Variants in MAGI2 observed in about 807,000 individuals in gnomAD.
MAGI2 encodes the protein membrane-associated guanylate kinase, WW and PDZ domain-containing protein 2.
In MAGI2, 35 loss-of-function variants were observed where a neutral mutation model predicts 133.3. The observed-to-expected ratio is 0.26, with a 90% CI of 0.20 to 0.35. MAGI2 has a LOEUF of 0.35. MAGI2 is among the 10% of genes least tolerant of loss of function. The pLI, the probability that MAGI2 is intolerant of heterozygous loss-of-function variation, is 1.00. For missense variants in MAGI2, 1,636 were observed against 1,863.4 expected (o/e 0.88, Z 2.25); for synonymous variants, 729 against 710.6 (o/e 1.03, Z -0.41).
intron 6 of MAGI2, among the ~76,000 whole-genome samples, chr7:78,382,192 G>A (rs1562920174): frequency 6.6e-6 from 1 of 151,666 alleles, no homozygotes; most frequent in East Asian, 1.9e-4. Flanking sequence ...TCAAATGTTC[G>A]TTTTTTTTAA....
intron 1 of MAGI2, among the ~76,000 whole-genome samples, chr7:79,420,539 CAAAT>C (rs761254621): frequency 4.6e-5 from 7 of 151,960 alleles, no homozygotes; most frequent in South Asian, 2.1e-4. Flanking sequence ...GTTAAAAAAA[CAAAT>C]AAAGCACTGA....
chr7:78,149,598 C>G (rs1823664098), intron 16 of MAGI2, among the ~76,000 whole-genome samples: 2 of 152,186 alleles, frequency 1.3e-5, no homozygotes, highest in African/African-American at 4.8e-5. Flanking sequence ...TAATAAACAT[C>G]TGAATGAAGA....
chr7:78,429,208 C>T (rs903469688), intron 6 of MAGI2, among the ~76,000 whole-genome samples: 6 of 152,088 alleles, frequency 3.9e-5, no homozygotes, highest in African/African-American at 7.2e-5. Flanking sequence ...ATTAATAAAT[C>T]GCCACATTGG....
At chr7:78,595,863 G>C (rs779569680) in intron 3 of MAGI2, among the ~76,000 whole-genome samples, 67 of 152,034 alleles carry the variant, frequency 4.4e-4, no homozygotes, top group Non-Finnish European at 7.4e-5. Context: ...TAGAGGGAGA[G>C]GTCAGAGAAT....
intron 1 of MAGI2, among the ~76,000 whole-genome samples, chr7:79,076,883 G>A (rs1454785382): frequency 6.6e-6 from 1 of 152,100 alleles, no homozygotes; most frequent in African/African-American, 2.4e-5. Context: ...ATTTCTCTGG[G>A]GAAATTAATT....
chr7:79,184,283 AAAAT>A (rs1408045373), intron 1 of MAGI2, among the ~76,000 whole-genome samples: 2 of 151,550 alleles, frequency 1.3e-5, no homozygotes, highest in Non-Finnish European at 1.5e-5. Flanking sequence ...TGGTCAATTA[AAAAT>A]AAACATTATA....
intron 10 of MAGI2, chr7:78,255,275 C>G (rs564266068): frequency 1.3e-5 from 2 of 153,946 alleles, no homozygotes; most frequent in East Asian, 1.9e-4. Context: ...ATACTTTGCC[C>G]GGGACACTCA....
At chr7:78,600,135 T>A (rs892646162) in intron 3 of MAGI2, among the ~76,000 whole-genome samples, 2 of 152,232 alleles carry the variant, frequency 1.3e-5, no homozygotes, top group Non-Finnish European at 2.9e-5. Flanking sequence ...AAAATGTGAT[T>A]ATCTTAATAA....
chr7:78,264,837 T>G (rs1181658311), intron 9 of MAGI2, among the ~76,000 whole-genome samples: 3 of 151,770 alleles, frequency 2.0e-5, no homozygotes. Context: ...ACTGAATTCA[T>G]ATAAGGCACT....
intron 1 of MAGI2, among the ~76,000 whole-genome samples, chr7:79,062,159 T>A (rs1813814326): frequency 6.6e-6 from 1 of 152,094 alleles, no homozygotes. Flanking sequence ...ACTGTACCAC[T>A]CCATACTACT....
At chr7:79,162,316 GT>G (rs1824449020) in intron 1 of MAGI2, among the ~76,000 whole-genome samples, 1 of 152,050 alleles carries the variant, frequency 6.6e-6, no homozygotes, top group South Asian at 2.1e-4. Context: ...AAATCATGGT[GT>G]TCTGAAGACC....
chr7:79,221,594 C>T (rs1830449674), intron 1 of MAGI2, among the ~76,000 whole-genome samples: 1 of 151,926 alleles, frequency 6.6e-6, no homozygotes, highest in South Asian at 2.1e-4. Context: ...TACCAAAAGT[C>T]AATTATTAGG....
chr7:78,255,705 A>G (rs1792894940), intron 10 of MAGI2: 4 of 593,964 alleles, frequency 6.7e-6, no homozygotes, highest in Middle Eastern at 8.8e-4. Flanking sequence ...TTCTATCAAT[A>G]TGTCTGTAAG....
chr7:78,741,006 G>C (rs1159970240), intron 2 of MAGI2, among the ~76,000 whole-genome samples: 4 of 152,276 alleles, frequency 2.6e-5, no homozygotes, highest in Admixed American at 6.5e-5. Flanking sequence ...AAAAAGTGTA[G>C]ATTTGTGGCA....
At chr7:78,571,698 G>A (rs1441401062) in intron 3 of MAGI2, among the ~76,000 whole-genome samples, 1 of 151,896 alleles carries the variant, frequency 6.6e-6, no homozygotes, top group African/African-American at 2.4e-5. Flanking sequence ...CAATAATAAA[G>A]AGAAAGAAAA....
At chr7:79,057,498 A>T (rs1398983547) in intron 1 of MAGI2, among the ~76,000 whole-genome samples, 3 of 152,194 alleles carry the variant, frequency 2.0e-5, no homozygotes, top group African/African-American at 7.2e-5. Flanking sequence ...TAAGCTTATA[A>T]TATTCTTACA....
chr7:79,039,526 A>G (rs1189982683), intron 1 of MAGI2, among the ~76,000 whole-genome samples: 1 of 152,110 alleles, frequency 6.6e-6, no homozygotes, highest in Non-Finnish European at 1.5e-5. Context: ...ATCAAGCTAA[A>G]AAGCTTCTGT....
Position 78,135,151 on chromosome 7 carries a change from TG to T in MAGI2, c.2900del (p.Ala967GlufsTer3). 6.2e-7 allele frequency: 1 copy of T among 1,614,218 alleles called. No homozygotes were observed. The highest frequency in any genetic ancestry group is 8.5e-7 in the Non-Finnish European group (1 of 1,180,036). Reference protein sequence around the residue: ...IIDGSPADRCAKLKVGDRILA... With the variant: ...IIDGSPADRCXKLKVGDRILA... ...GGATCCGGTCTCCCACTTTTAGTTT[TG>T]CACAGCGATCTGCAGGACTCCCATC... On this transcript the variant is annotated frameshift_variant, in exon 17 of 22. Coordinates refer to ENST00000354212, the MANE Select transcript of MAGI2 (RefSeq NM_012301.4). LOFTEE classifies it high-confidence loss of function.
chr7:78,283,570 G>A (rs899163844), intron 9 of MAGI2, among the ~76,000 whole-genome samples: 2 of 152,060 alleles, frequency 1.3e-5, no homozygotes, highest in Non-Finnish European at 2.9e-5. Context: ...TTTCTTGTCT[G>A]TAATAAATGA....
Sources: allele counts gnomAD v4.1 joint callset (sites outside exome capture counted in the v4.1 genomes callset), GRCh38; gene constraint gnomAD v4.1.1; transcripts MANE v1.5; gene names NCBI Gene and HGNC (gene_info 2026-07-23, HGNC 2026-07-21).